Variants in STXBP6 observed in about 807,000 individuals in gnomAD.
STXBP6 encodes syntaxin binding protein 6, also known as syntaxin-binding protein 6.
STXBP6 carries 21 observed loss-of-function variants against 26.9 expected under a neutral mutation model. That is an observed-to-expected ratio of 0.78 (90% CI 0.55 to 1.12). The LOEUF (loss-of-function observed/expected upper bound fraction) is 1.12. Among genes scored for constraint, STXBP6 ranks in the 50% most tolerant of loss-of-function variants. The probability of loss-of-function intolerance (pLI) is 0.00; values close to 1 mark genes in which losing one functional copy is unlikely to be tolerated. For synonymous variants in STXBP6, 97 were observed against 92.6 expected, an observed-to-expected ratio of 1.05 and a Z score of -0.27; for missense variants, 232 against 257.9, an observed-to-expected ratio of 0.90 and a Z score of 0.69.
chr14:24,969,741 A>C (rs2073845067), intron 2 of STXBP6, among the ~76,000 whole-genome samples: 1 of 152,214 alleles, frequency 6.6e-6, no homozygotes, highest in Non-Finnish European at 1.5e-5. Flanking sequence ...AAGATAGCAC[A>C]AAATAAAGAT....
At chr14:24,927,068 G>A (rs1442752992) in intron 2 of STXBP6, among the ~76,000 whole-genome samples, 1 of 152,208 alleles carries the variant, frequency 6.6e-6, no homozygotes, top group Non-Finnish European at 1.5e-5. Context: ...CTATGGCAGA[G>A]AAATAGAGGT....
chr14:24,899,801 C>CAAAAAAAAAAAAAAAAAAAAAAAAAAAAA (rs56666133), intron 2 of STXBP6, among the ~76,000 whole-genome samples: 1 of 108,644 alleles, frequency 9.2e-6, no homozygotes, highest in Non-Finnish European at 1.7e-5. Flanking sequence ...AAAAAAAAAG[C>CAAAAAAAAAAAAAAAAAAAAAAAAAAAAA]AAAAAAAAAA....
chr14:24,864,094 TCTTA>T lies in STXBP6; in HGVS notation c.155-6941_155-6938del, dbSNP rs1594989193. 3.3e-5 allele frequency among the ~76,000 whole-genome samples: 5 copies of T among 152,228 alleles called. No homozygotes were observed. In the South Asian group the frequency reaches 8.3e-4, roughly 25 times the overall value. ...CTACAGTCACAAAGTCTTATTCTGT[TCTTA>T]CTTCCTCAATTCTAGAAACAGATGT... On this transcript the variant is annotated intron_variant, in intron 2 of 5. Transcript: ENST00000323944.
rs577355313 is a variant in STXBP6, at chr14:24,915,678, C to T, written c.155-58521G>A. Among the ~76,000 whole-genome samples the T allele has an allele frequency of 7.0e-4, 106 of 152,110 alleles. 1 individual carries two copies. Among genetic ancestry groups the T allele is most frequent in the African/African-American group, 2.5e-3 (103 of 41,526 alleles). ...TATCCCTTTTTAATCAATATTCATA[C>T]CCACAACCCTGTTCAGCTAGTTCTA... On this transcript the variant is annotated intron_variant, in intron 2 of 5. Coordinates refer to ENST00000323944, the MANE Select transcript of STXBP6 (RefSeq NM_001394410.1).
intron 2 of STXBP6, among the ~76,000 whole-genome samples, chr14:24,970,992 C>T (rs978070744): frequency 2.0e-5 from 3 of 152,190 alleles, no homozygotes; most frequent in African/African-American, 7.2e-5. Context: ...AGAAGTCAAT[C>T]AATCTGTGAT....
At position 25,001,881 on chromosome 14, in the gene STXBP6, T is replaced by C. The variant is rs116801311; in HGVS notation, c.-32-27031A>G. Among the ~76,000 whole-genome samples, 635 of 152,372 alleles carry C rather than the reference T, an allele frequency of 4.2e-3. 11 individuals are homozygous for C. The highest frequency in any genetic ancestry group is 0.015 in the African/African-American group (611 of 41,588). ...CAATGAATATAATGAGGGCAGACGA[T>C]AGCATTATCTTCTACAATAAAGCAT... is the stretch of plus-strand genomic sequence containing the variant. On this transcript the variant is annotated intron_variant, in intron 1 of 5. Transcript: ENST00000323944.
chr14:24,856,971 C>T (rs1477277464), intron 3 of STXBP6, 56 bp downstream of exon 3: 14 of 1,588,046 alleles, frequency 8.8e-6, no homozygotes, highest in South Asian at 1.1e-5. Context: ...CAAGGTCAAT[C>T]AGAGAGTCAT....
In STXBP6 at chr14:24,811,727, C is replaced by T. The variant is rs1275519657; in HGVS notation, c.*982G>A. On this transcript the variant is annotated 3_prime_UTR_variant, in exon 6 of 6. Coordinates refer to ENST00000323944, the MANE Select transcript of STXBP6 (RefSeq NM_001394410.1). The stretch of plus-strand genomic sequence containing the variant: ...CCTCCAAAATCCAGATACCAAGAAA[C>T]TAAAGGCCCTCTCCCAAGGACATTA... The T allele has an allele frequency of 6.6e-6, 1 of 152,084 alleles. No homozygotes were observed. Among genetic ancestry groups the T allele is most frequent in the Non-Finnish European group, 1.5e-5 (1 of 67,988 alleles). 9.4% of individuals were successfully genotyped at this position (152,084 alleles called of 1,614,324 possible). A position where few individuals can be genotyped will look rare whatever the true frequency, so the allele number is the denominator to read the frequency against.
chr14:25,028,373 G>C (rs1425068870), intron 1 of STXBP6, among the ~76,000 whole-genome samples: 6 of 152,064 alleles, frequency 3.9e-5, no homozygotes. Flanking sequence ...GAAAATCCTA[G>C]GGCCCTTAAG....
At chr14:24,817,309 G>C (rs916723337) in intron 5 of STXBP6, 7 of 152,228 alleles carry the variant, frequency 4.6e-5, no homozygotes, top group African/African-American at 1.7e-4. Flanking sequence ...CGCCTACGTG[G>C]ACGACATCCA....
intron 1 of STXBP6, among the ~76,000 whole-genome samples, chr14:25,043,789 G>A (rs1476386710): frequency 6.6e-6 from 1 of 152,120 alleles, no homozygotes; most frequent in African/African-American, 2.4e-5. Flanking sequence ...TCCTTTCTAT[G>A]TTTGAATAGT....
At chr14:25,005,639 C>T (rs994079603) in intron 1 of STXBP6, among the ~76,000 whole-genome samples, 1 of 152,140 alleles carries the variant, frequency 6.6e-6, no homozygotes, top group Non-Finnish European at 1.5e-5. Context: ...GGTGATACTA[C>T]ACTTTTGTGG....
intron 4 of STXBP6, among the ~76,000 whole-genome samples, chr14:24,847,132 A>G (rs1376066248): frequency 6.6e-6 from 1 of 152,194 alleles, no homozygotes; most frequent in Non-Finnish European, 1.5e-5. Flanking sequence ...ATGACAAAGA[A>G]AAGAGCACAG....
At chr14:24,904,233 T>G (rs2071310652) in intron 2 of STXBP6, among the ~76,000 whole-genome samples, 1 of 152,120 alleles carries the variant, frequency 6.6e-6, no homozygotes, top group South Asian at 2.1e-4. Context: ...CCCAAAGTCA[T>G]TTTACAGATT....
intron 1 of STXBP6, among the ~76,000 whole-genome samples, chr14:25,025,603 C>T (rs2075335645): frequency 6.6e-6 from 1 of 152,160 alleles, no homozygotes; most frequent in Non-Finnish European, 1.5e-5. Context: ...TGACTTTGGG[C>T]AAGTCAATTT....
chr14:24,847,935 T>G (rs891612578), intron 4 of STXBP6, among the ~76,000 whole-genome samples: 1 of 152,160 alleles, frequency 6.6e-6, no homozygotes. Flanking sequence ...CTATAAAGCA[T>G]AGCAAACAAC....
chr14:24,865,328 CT>C (rs1355092968), intron 2 of STXBP6, among the ~76,000 whole-genome samples: 4 of 152,056 alleles, frequency 2.6e-5, no homozygotes, highest in African/African-American at 9.7e-5. Context: ...TAGTTTACTG[CT>C]TTGAGAGAGT....
intron 2 of STXBP6, among the ~76,000 whole-genome samples, chr14:24,915,619 C>T (rs764409341): frequency 6.6e-6 from 1 of 152,090 alleles, no homozygotes; most frequent in Non-Finnish European, 1.5e-5. Context: ...GAGGTCATAG[C>T]ATGTGTATAG....
intron 2 of STXBP6, among the ~76,000 whole-genome samples, chr14:24,902,663 T>C (rs2071254629): frequency 6.6e-6 from 1 of 152,196 alleles, no homozygotes; most frequent in African/African-American, 2.4e-5. Context: ...TTTCTTTCCA[T>C]TAGTTTTGTA....
Sources: gnomAD v4.1 joint callset for allele counts (sites outside exome capture counted in the v4.1 genomes callset) on GRCh38, gnomAD v4.1.1 for gene constraint, MANE v1.5 for transcripts, NCBI Gene and HGNC (gene_info 2026-07-23, HGNC 2026-07-21) for gene names.